HEG1: variants seen among roughly 807,000 people sequenced by gnomAD.
HEG1 encodes protein HEG homolog 1.
A neutral mutation model predicts 125.6 loss-of-function variants in HEG1; 56 were observed. The ratio of observed to expected loss-of-function variants is 0.45; its 90% CI spans 0.36 to 0.56. The LOEUF is 0.56. HEG1 is among the 20% of genes least tolerant of loss of function. HEG1 has a pLI of 0.00. For missense variants in HEG1, 1,523 were observed against 1,670.0 expected (o/e 0.91, Z 1.53); for synonymous variants, 644 against 668.5 (o/e 0.96, Z 0.57).
intron 1 of HEG1, among the ~76,000 whole-genome samples, chr3:125,034,604 C>A (rs1280100725): frequency 6.6e-6 from 1 of 152,048 alleles, no homozygotes; most frequent in Non-Finnish European, 1.5e-5. Context: ...TCAAGACCAG[C>A]CTGGGCAACA....
Position 125,005,377 on chromosome 3 carries a change from GA to G in HEG1, c.3194-10del. On this transcript the variant is annotated splice_polypyrimidine_tract_variant and intron_variant, in intron 8 of 16. Coordinates refer to ENST00000311127, the MANE Select transcript of HEG1 (RefSeq NM_020733.2). ...TGTCACGAAGGTTCTAACTGAAAAT[GA>G]AAATGTAACTTGTTAGATTACACAA... 6.9e-7 allele frequency: 1 copy of G among 1,459,390 alleles called. No homozygotes were observed. The highest frequency in any genetic ancestry group is 9.5e-7 in the Non-Finnish European group (1 of 1,057,718). The allele number at this position is 1,459,390 out of a possible 1,614,324, so 90.4% of individuals were successfully genotyped here.
chr3:124,997,740 G>C lies in HEG1; in HGVS notation c.3601C>G (p.Gln1201Glu). ...AACTGAAAGTATCCCGACTTGCACT[G>C]GCACAGGGCAACGCCGTCCAGGTCA... ...CTDLDGVALC[Q>E]CKSGYFQFNK... Residue 1201 changes from glutamine to glutamate, a missense_variant, in exon 12 of 17, where the codon CAG (glutamine) becomes GAG (glutamate). Physicochemically the swap from Gln to Glu is conservative, Grantham distance 29. Transcript: ENST00000311127. 1 of 1,596,246 alleles carries C rather than the reference G, an allele frequency of 6.3e-7. No homozygotes were observed. Among genetic ancestry groups the C allele is most frequent in the South Asian group, 1.1e-5 (1 of 88,304 alleles).
At chr3:125,022,684 T>TTA (rs1560028937) in intron 3 of HEG1, among the ~76,000 whole-genome samples, 1 of 106,194 alleles carries the variant, frequency 9.4e-6, no homozygotes. Flanking sequence ...ACTTCAGTAT[T>TTA]AAAAAAAAAA....
At chr3:124,980,267 C>T (rs1936624150) in intron 14 of HEG1, among the ~76,000 whole-genome samples, 1 of 152,180 alleles carries the variant, frequency 6.6e-6, no homozygotes, top group Non-Finnish European at 1.5e-5. Flanking sequence ...TTGCCATTTC[C>T]CTGCTTTAAA....
chr3:124,985,056 A>T (rs1465453390), intron 14 of HEG1, among the ~76,000 whole-genome samples: 1 of 152,198 alleles, frequency 6.6e-6, no homozygotes, highest in African/African-American at 2.4e-5. Context: ...ACACATATAT[A>T]TCTCTGGAAA....
At chr3:124,988,462 A>T (rs1283457667) in intron 14 of HEG1, among the ~76,000 whole-genome samples, 1 of 152,188 alleles carries the variant, frequency 6.6e-6, no homozygotes, top group East Asian at 1.9e-4. Flanking sequence ...TCCTTGCCTT[A>T]TTAAACTGAG....
chr3:125,024,227 A>C (rs1412009934), intron 3 of HEG1, among the ~76,000 whole-genome samples: 1 of 152,226 alleles, frequency 6.6e-6, no homozygotes, highest in Non-Finnish European at 1.5e-5. Flanking sequence ...TATGATTCTC[A>C]ACATTTCTTA....
intron 1 of HEG1, among the ~76,000 whole-genome samples, chr3:125,039,757 AGT>A (rs1323939454): frequency 6.6e-6 from 1 of 150,960 alleles, no homozygotes; most frequent in Non-Finnish European, 1.5e-5. Flanking sequence ...GTACAGACAC[AGT>A]CTGAACCTAG....
chr3:125,021,379 A>C (rs1017950739), intron 3 of HEG1, among the ~76,000 whole-genome samples: 10 of 152,094 alleles, frequency 6.6e-5, no homozygotes, highest in African/African-American at 2.4e-4. Context: ...CACAATGAGA[A>C]GCTTATACGT....
chr3:125,009,577 T>G lies in HEG1; in HGVS notation c.3193+128A>C, dbSNP rs570841747. 6 of 952,058 alleles carry G rather than the reference T, an allele frequency of 6.3e-6. No individual in the cohort carries two copies. The South Asian group carries it at 8.9e-5, about 14-fold the overall frequency. 59.0% of individuals were successfully genotyped at this position (952,058 alleles called of 1,614,324 possible). Reference sequence around the variant, plus strand: ...GAATAATGGACAATAGCTTCCACTTTTTTCTATATTCCTTAAGTTTATACC... The same window carrying G: ...GAATAATGGACAATAGCTTCCACTTGTTTCTATATTCCTTAAGTTTATACC... On this transcript the variant is annotated intron_variant, in intron 8 of 16. Coordinates refer to ENST00000311127, the MANE Select transcript of HEG1 (RefSeq NM_020733.2).
Position 125,013,034 on chromosome 3 carries a change from T to A in HEG1, c.2545A>T (p.Thr849Ser), listed in dbSNP as rs760475850. The change falls in exon 6 of 17, where the codon ACC (threonine) becomes TCC (serine). Residue 849 changes from threonine to serine, a missense_variant. Physicochemically the swap from Thr to Ser is moderately conservative, Grantham distance 58. Transcript: ENST00000311127. ...GGAGTGGTCATAAGAGGCTGAGAGGTCTTCAGAATGGTAGTTGTGAAAGTT... is the reference window on the plus strand; with the variant it reads ...GGAGTGGTCATAAGAGGCTGAGAGGACTTCAGAATGGTAGTTGTGAAAGTT... ...SPTFTTTILK[T>S]SQPLMTTPGT... 3.0e-5 allele frequency: 48 copies of A among 1,613,744 alleles called. No homozygotes were observed. The highest frequency in any genetic ancestry group is 1.6e-4 in the Middle Eastern group (1 of 6,084).
rs115296179 is a variant in HEG1 at position 124,968,732 on chromosome 3, G to C, written c.*1920C>G. The C allele has an allele frequency of 1.3e-5, 2 of 152,220 alleles. No individual in the cohort carries two copies. The highest frequency in any genetic ancestry group is 2.9e-5 in the Non-Finnish European group (2 of 68,058). The allele number at this position is 152,220 out of a possible 1,614,324, so 9.4% of individuals were successfully genotyped here. On this transcript the variant is annotated 3_prime_UTR_variant, in exon 17 of 17. Transcript: ENST00000311127. ...GCTGCGGAAGGAGCCAAGAAGCCTA[G>C]TCTGTGGGCTCAGGTGAGCTGCAGG...
chr3:125,027,148 T>G, intron 3 of HEG1, 57 bp downstream of exon 3: 1 of 1,439,324 alleles, frequency 6.9e-7, no homozygotes, highest in South Asian at 1.4e-5. Flanking sequence ...CTATGCACAT[T>G]GATTTATGTC....
chr3:124,997,075 AT>A (rs1936933592), intron 12 of HEG1, among the ~76,000 whole-genome samples: 1 of 152,218 alleles, frequency 6.6e-6, no homozygotes, highest in African/African-American at 2.4e-5. Flanking sequence ...ACCAGAACTC[AT>A]TAATTCAACA....
Position 124,997,601 on chromosome 3 carries a change from A to G in HEG1, c.3652+88T>C, listed in dbSNP as rs928227369. 35 of 1,344,400 alleles carry G rather than the reference A, an allele frequency of 2.6e-5. No homozygotes were observed. In the Middle Eastern group the frequency reaches 8.0e-4, roughly 31 times the overall value. The allele number at this position is 1,344,400 out of a possible 1,614,324, so 83.3% of individuals were successfully genotyped here. On this transcript the variant is annotated intron_variant, in intron 12 of 16. Transcript: ENST00000311127. ...CAGTTTAGAATGGTCACGCCTAAGC[A>G]AAGACAGAGAGAGAGCAAGAAAGAG...
rs748923796 is a variant in HEG1 at position 125,013,411 on chromosome 3, A to G, written c.2168T>C (p.Leu723Ser). 9 of 1,613,946 alleles carry G rather than the reference A, an allele frequency of 5.6e-6. No individual in the cohort carries two copies. Among genetic ancestry groups the G allele is most frequent in the Non-Finnish European group, 7.6e-6 (9 of 1,179,866 alleles). ...SSSPSPLPVS[L>S]TTSTSAPLSV... is the part of the protein sequence containing the mutation. ...AAGTGGGGCAGATGTAGATGTCGTT[A>G]AGGATACTGGTAAAGGTGATGGTGA... Residue 723 changes from leucine (L) to serine (S), a missense_variant, in exon 6 of 17, where the codon TTA (leucine) becomes TCA (serine). Transcript: ENST00000311127.
chr3:125,052,139 T>G (rs1014302214), intron 1 of HEG1, among the ~76,000 whole-genome samples: 1 of 58,052 alleles, frequency 1.7e-5, no homozygotes, highest in Admixed American at 1.7e-4. Context: ...CCCTCCCGCC[T>G]CCCCCCCTTC....
At chr3:125,024,039 G>A (rs1251719927) in intron 3 of HEG1, among the ~76,000 whole-genome samples, 1 of 152,182 alleles carries the variant, frequency 6.6e-6, no homozygotes. Flanking sequence ...TTTACAAAGT[G>A]AAATCACCAC....
intron 1 of HEG1, among the ~76,000 whole-genome samples, chr3:125,053,682 T>C (rs1310494052): frequency 1.3e-5 from 2 of 152,206 alleles, no homozygotes; most frequent in Non-Finnish European, 2.9e-5. Context: ...GTACCTCATA[T>C]ACCTGAAGCC....
Sources: allele counts gnomAD v4.1 joint callset (sites outside exome capture counted in the v4.1 genomes callset), GRCh38; gene constraint gnomAD v4.1.1; transcripts MANE v1.5; gene names NCBI Gene and HGNC (gene_info 2026-07-23, HGNC 2026-07-21).